The following ADCY9 variants were observed in gnomAD, a reference collection of about 807,000 sequenced individuals.
ADCY9 encodes the protein adenylate cyclase type 9.
A neutral mutation model predicts 101.5 loss-of-function variants in ADCY9; 50 were observed. The observed-to-expected ratio is 0.49, with a 90% CI of 0.39 to 0.62. ADCY9 has a LOEUF of 0.62. ADCY9 is among the 20% of genes least tolerant of loss of function. ADCY9 has a pLI of 0.00. For missense variants in ADCY9, 1,662 were observed against 1,800.4 expected, an observed-to-expected ratio of 0.92 and a Z score of 1.39; for synonymous variants, 905 against 769.3, an observed-to-expected ratio of 1.18 and a Z score of -2.92.
intron 3 of ADCY9, among the ~76,000 whole-genome samples, chr16:3,998,237 A>C (rs2056302930): frequency 6.6e-6 from 1 of 152,144 alleles, no homozygotes; most frequent in Admixed American, 6.5e-5. Context: ...CCATCTCTAC[A>C]AAAGCTTTTT....
At chr16:3,968,857 T>C (rs868481172) in intron 10 of ADCY9, among the ~76,000 whole-genome samples, 34 of 152,184 alleles carry the variant, frequency 2.2e-4, no homozygotes, top group African/African-American at 7.5e-4. Flanking sequence ...TTTTTTTTCT[T>C]TTTTTTGAGA....
At chr16:4,049,442 A>G (rs1422257498) in intron 2 of ADCY9, among the ~76,000 whole-genome samples, 1 of 152,190 alleles carries the variant, frequency 6.6e-6, no homozygotes. Context: ...ACCCTAGCCG[A>G]GCCCAAGGAT....
chr16:4,091,373 CCAAGTTCCT>C (rs2056972712), intron 2 of ADCY9, among the ~76,000 whole-genome samples: 1 of 152,184 alleles, frequency 6.6e-6, no homozygotes, highest in Non-Finnish European at 1.5e-5. Flanking sequence ...TGCACCCAGC[CCAAGTTCCT>C]CATTTTAAAA....
intron 7 of ADCY9, chr16:3,982,969 G>C (rs573982812): frequency 5.3e-5 from 28 of 531,606 alleles, no homozygotes; most frequent in African/African-American, 4.7e-4. Context: ...TCTGAACCTG[G>C]AAATCTGGGG....
At chr16:4,086,114 G>T (rs143608181) in intron 2 of ADCY9, among the ~76,000 whole-genome samples, 444 of 152,134 alleles carry the variant, frequency 2.9e-3, no homozygotes, top group African/African-American at 0.01. Flanking sequence ...ATGCTGCTTG[G>T]GGGTGGGGAA....
In ADCY9 at chr16:4,076,868, G is replaced by A. The variant is rs567541259; in HGVS notation, c.1693+36882C>T. 3.9e-5 allele frequency among the ~76,000 whole-genome samples: 6 copies of A among 152,114 alleles called. No individual in the cohort carries two copies. The South Asian group carries it at 6.2e-4, about 16-fold the overall frequency. On this transcript the variant is annotated intron_variant, in intron 2 of 10. Transcript: ENST00000294016. ...AAGGGAGGAGGATCACCTGAGGTGA[G>A]GAGTCCGAGACCAGCTTGGCCAACA...
chr16:3,989,122 A>G, intron 5 of ADCY9, 26 bp from the exon 6 acceptor site: 1 of 1,514,260 alleles, frequency 6.6e-7, no homozygotes. Flanking sequence ...AATGCAGTCG[A>G]TCAATACCCA....
chr16:3,983,087 G>C (rs572284384), intron 7 of ADCY9, 145 bp downstream of exon 7: 1 of 774,426 alleles, frequency 1.3e-6, no homozygotes, highest in Non-Finnish European at 2.0e-6. Flanking sequence ...CACAGGGCTC[G>C]GGGAGGACAC....
chr16:4,054,692 T>C (rs954160972), intron 2 of ADCY9, among the ~76,000 whole-genome samples: 3 of 152,100 alleles, frequency 2.0e-5, no homozygotes, highest in African/African-American at 7.2e-5. Flanking sequence ...TGCTTCAGCC[T>C]CCCGAGTAGC....
intron 2 of ADCY9, among the ~76,000 whole-genome samples, chr16:4,043,762 G>C (rs1360888133): frequency 6.6e-6 from 1 of 152,088 alleles, no homozygotes; most frequent in African/African-American, 2.4e-5. Context: ...GCTGGAATGA[G>C]TATATCCAGA....
chr16:3,997,619 G>A (rs1456839534), intron 3 of ADCY9, among the ~76,000 whole-genome samples: 1 of 152,224 alleles, frequency 6.6e-6, no homozygotes, highest in Non-Finnish European at 1.5e-5. Flanking sequence ...CCCACGCTCG[G>A]GCCTCCTGAG....
chr16:4,063,182 G>A (rs1286021493), intron 2 of ADCY9, among the ~76,000 whole-genome samples: 1 of 151,976 alleles, frequency 6.6e-6, no homozygotes, highest in Non-Finnish European at 1.5e-5. Context: ...TAAAAATCAA[G>A]AACAGAAATA....
At chr16:4,056,494 T>A (rs1299546157) in intron 2 of ADCY9, among the ~76,000 whole-genome samples, 1 of 152,182 alleles carries the variant, frequency 6.6e-6, no homozygotes, top group East Asian at 1.9e-4. Context: ...CCTCAAGTGA[T>A]CCACCCACCT....
intron 2 of ADCY9, among the ~76,000 whole-genome samples, chr16:4,061,647 A>G (rs891765957): frequency 2.6e-5 from 4 of 152,208 alleles, no homozygotes; most frequent in African/African-American, 9.6e-5. Context: ...GTAGAAATAA[A>G]GATATTCCTA....
intron 2 of ADCY9, among the ~76,000 whole-genome samples, chr16:4,044,712 A>G (rs80146155): frequency 1.3e-4 from 20 of 152,322 alleles, no homozygotes; most frequent in African/African-American, 4.8e-4. Context: ...ATAGCAAGAG[A>G]GTGTCACTTC....
chr16:3,967,490 A>C (rs1183568532), intron 10 of ADCY9, among the ~76,000 whole-genome samples: 1 of 152,026 alleles, frequency 6.6e-6, no homozygotes, highest in Non-Finnish European at 1.5e-5. Context: ...TCCTGGGCTC[A>C]AACGATCCTC....
At chr16:4,099,939 A>C (rs959996529) in intron 2 of ADCY9, among the ~76,000 whole-genome samples, 12 of 152,206 alleles carry the variant, frequency 7.9e-5, no homozygotes, top group Non-Finnish European at 1.5e-4. Flanking sequence ...GTGCAGTCAC[A>C]GGGAGGCTGA....
intron 2 of ADCY9, among the ~76,000 whole-genome samples, chr16:4,010,254 C>G (rs2056394868): frequency 6.6e-6 from 1 of 152,148 alleles, no homozygotes; most frequent in East Asian, 1.9e-4. Context: ...CCCTGTGTGG[C>G]TCCGGGACTG....
chr16:4,013,352 C>T (rs140430656), intron 2 of ADCY9, among the ~76,000 whole-genome samples: 11 of 151,664 alleles, frequency 7.3e-5, no homozygotes, highest in East Asian at 5.8e-4. Context: ...ACTTGAGAGG[C>T]GGAGGTTGCA....
Sources: gnomAD v4.1 joint callset for allele counts (sites outside exome capture counted in the v4.1 genomes callset) on GRCh38, gnomAD v4.1.1 for gene constraint, MANE v1.5 for transcripts, NCBI Gene and HGNC (gene_info 2026-07-23, HGNC 2026-07-21) for gene names.